Variants in NPRL3 observed in about 807,000 individuals in gnomAD.
NPRL3 encodes GATOR1 complex protein NPRL3.
Under a neutral mutation model 57.2 loss-of-function variants are expected in NPRL3, and 23 were observed. The ratio of observed to expected loss-of-function variants is 0.40; its 90% CI spans 0.29 to 0.57. NPRL3 has a LOEUF of 0.57. Ranked by LOEUF, NPRL3 falls within the 20% of genes least tolerant of loss-of-function variation. The pLI is 0.42. For synonymous variants in NPRL3, 333 were observed against 321.1 expected, an observed-to-expected ratio of 1.04 and a Z score of -0.39; for missense variants, 691 against 767.1, an observed-to-expected ratio of 0.90 and a Z score of 1.17.
rs758488510 is a variant in NPRL3, at chr16:86,853, C to T, written c.1562G>A (p.Arg521His). 4.6e-5 allele frequency: 75 copies of T among 1,613,044 alleles called. No individual in the cohort carries two copies. The highest frequency in any genetic ancestry group is 7.7e-5 in the South Asian group (7 of 90,964). The change falls in exon 14 of 14, where the codon CGC becomes CAC. Residue 521 changes from arginine to histidine, a missense_variant. By Grantham distance (29) the Arg-to-His change is conservative. Transcript: ENST00000611875. ...RMFARLLHYFRGRHHLEEIMY... is the reference protein window; with the variant it reads ...RMFARLLHYFHGRHHLEEIMY... ...AATCTCCTCCAGGTGGTGGCGGCCG[C>T]GGAAGTAGTGAAGGAGCCTGGAAGG...
At chr16:101,409 C>T (rs1044928280) in intron 7 of NPRL3, among the ~76,000 whole-genome samples, 2 of 152,214 alleles carry the variant, frequency 1.3e-5, no homozygotes, top group African/African-American at 2.4e-5. Flanking sequence ...ACAAGCCAGC[C>T]GTGCTAGCCA....
At chr16:92,825 G>A in intron 10 of NPRL3, 100 bp from the exon 11 acceptor site, 3 of 1,504,730 alleles carry the variant, frequency 2.0e-6, no homozygotes, top group Middle Eastern at 1.9e-4. Context: ...GTGGCAGGTG[G>A]GTCAGGACAG....
chr16:91,765 G>C (rs1898773024), intron 11 of NPRL3, among the ~76,000 whole-genome samples: 1 of 152,232 alleles, frequency 6.6e-6, no homozygotes, highest in Admixed American at 6.5e-5. Context: ...TTGCCTAATA[G>C]ATCTGGCACT....
At position 99,540 on chromosome 16, in the gene NPRL3, G is replaced by T. The variant is rs536740565; in HGVS notation, c.767+832C>A. Among the ~76,000 whole-genome samples, 3 of 151,836 alleles carry T rather than the reference G, an allele frequency of 2.0e-5. No homozygotes were observed. In the South Asian group the frequency reaches 6.3e-4, roughly 32 times the overall value. On this transcript the variant is annotated intron_variant, in intron 8 of 13. Coordinates refer to ENST00000611875, the MANE Select transcript of NPRL3 (RefSeq NM_001077350.3). ...CACCCATAATCCCAGCTACTCAGGG[G>T]GCTGAGGCAGGAGAATCGCTTGAAC... is the stretch of plus-strand genomic sequence containing the variant.
chr16:109,277 C>A (rs1035267515), intron 7 of NPRL3, among the ~76,000 whole-genome samples: 1 of 152,156 alleles, frequency 6.6e-6, no homozygotes, highest in Non-Finnish European at 1.5e-5. Context: ...TGCTTGTCCA[C>A]ATTTAATAAA....
At chr16:94,653 G>A (rs1898907868) in intron 9 of NPRL3, among the ~76,000 whole-genome samples, 1 of 152,222 alleles carries the variant, frequency 6.6e-6, no homozygotes, top group Non-Finnish European at 1.5e-5. Context: ...CTTGGAGGCT[G>A]AGACAGGAGG....
Position 110,585 on chromosome 16 carries a change from G to A in NPRL3, c.569C>T (p.Pro190Leu), listed in dbSNP as rs530516163. The stretch of plus-strand genomic sequence containing the variant: ...GCACTTGGGCAGGATGTGATGGAAT[G>A]GGGACTGAGGACCTTCATTTCCTAC... The part of the protein sequence containing the change: ...MADGNEGPQS[P>L]FHHILPKCKL... The change falls in exon 7 of 14, where the codon CCA becomes CTA. Residue 190 changes from proline (P) to leucine (L), a missense_variant. Coordinates refer to ENST00000611875, the MANE Select transcript of NPRL3 (RefSeq NM_001077350.3). The A allele has an allele frequency of 2.5e-6, 4 of 1,610,942 alleles. No individual in the cohort carries two copies. Among genetic ancestry groups the A allele is most frequent in the Admixed American group, 1.7e-5 (1 of 59,602 alleles).
intron 7 of NPRL3, among the ~76,000 whole-genome samples, chr16:105,477 T>C (rs1567136828): frequency 6.9e-6 from 1 of 145,696 alleles, no homozygotes; most frequent in Non-Finnish European, 1.5e-5. Flanking sequence ...AAAGTTTATA[T>C]ATAGGTGCAT....
chr16:134,483 G>A (rs892686177), intron 2 of NPRL3, among the ~76,000 whole-genome samples: 25 of 152,180 alleles, frequency 1.6e-4, no homozygotes, highest in African/African-American at 5.8e-4. Flanking sequence ...TGAACGGGAA[G>A]ATTCAACATA....
In NPRL3 at chr16:102,051, G is replaced by T. The variant is rs528637508; in HGVS notation, c.630-1542C>A. Among the ~76,000 whole-genome samples, 235 of 152,268 alleles carry T rather than the reference G, an allele frequency of 1.5e-3. 1 individual carries two copies. Among genetic ancestry groups the T allele is most frequent in the African/African-American group, 5.5e-3 (228 of 41,550 alleles). ...AGCTGCATTTCCTGAATGAAGCCAAGGAACACACCGCCCTCCCTGCATGCA... is the reference window on the plus strand; with the variant it reads ...AGCTGCATTTCCTGAATGAAGCCAATGAACACACCGCCCTCCCTGCATGCA... On this transcript the variant is annotated intron_variant, in intron 7 of 13. Transcript: ENST00000611875.
chr16:94,457 C>G (rs899273074), intron 9 of NPRL3, among the ~76,000 whole-genome samples: 7 of 152,214 alleles, frequency 4.6e-5, no homozygotes, highest in African/African-American at 1.2e-4. Flanking sequence ...GCTCAGAAAA[C>G]AGGGCCTCCA....
At chr16:114,353 T>C (rs1190064998) in intron 5 of NPRL3, among the ~76,000 whole-genome samples, 2 of 152,174 alleles carry the variant, frequency 1.3e-5, no homozygotes, top group African/African-American at 4.8e-5. Flanking sequence ...GTGCCAGCAC[T>C]AATGGGAACT....
Position 98,225 on chromosome 16 carries a change from G to C in NPRL3, c.844C>G (p.Leu282Val), listed in dbSNP as rs755359263. Residue 282 changes from leucine to valine, a missense_variant, in exon 9 of 14, where the codon CTA becomes GTA. Leu to Val is a conservative substitution (Grantham distance 32, BLOSUM62 1). Transcript: ENST00000611875. ...GELPIDCSPALVRVIKTTSAV... is the reference protein window; with the variant it reads ...GELPIDCSPAVVRVIKTTSAV... The stretch of plus-strand genomic sequence containing the variant: ...GATGTGGTCTTGATCACCCGCACTA[G>C]GGCAGGGGAGCAGTCAATAGGAAGC... The C allele has an allele frequency of 1.2e-6, 2 of 1,613,988 alleles. No individual in the cohort carries two copies. The highest frequency in any genetic ancestry group is 1.7e-6 in the Non-Finnish European group (2 of 1,179,884).
chr16:98,891 T>C (rs796445970), intron 8 of NPRL3, among the ~76,000 whole-genome samples: 3 of 152,094 alleles, frequency 2.0e-5, no homozygotes, highest in Admixed American at 6.5e-5. Flanking sequence ...TGAGCCGAGA[T>C]TGCGCCATTG....
In NPRL3 at chr16:86,498, ACAG is replaced by A; in HGVS notation, c.*204_*206del. 1.7e-6 allele frequency: 1 copy of A among 577,278 alleles called. No individual in the cohort carries two copies. The highest frequency in any genetic ancestry group is 2.2e-5 in the South Asian group (1 of 46,134). The allele number at this position is 577,278 out of a possible 1,614,324, so 35.8% of individuals were successfully genotyped here. Reference sequence around the variant, plus strand: ...AAGGACTGGAGGGAAGCGTAGGAACACAGAGGGCAGCAGCCCCACAGCGGAACC... The same window carrying A: ...AAGGACTGGAGGGAAGCGTAGGAACAAGGGCAGCAGCCCCACAGCGGAACC... On this transcript the variant is annotated 3_prime_UTR_variant, in exon 14 of 14. Coordinates refer to ENST00000611875, the MANE Select transcript of NPRL3 (RefSeq NM_001077350.3).
At position 100,352 on chromosome 16, in the gene NPRL3, A is replaced by G; in HGVS notation, c.767+20T>C. 6.7e-7 allele frequency: 1 copy of G among 1,488,652 alleles called. No homozygotes were observed. The highest frequency in any genetic ancestry group is 9.0e-7 in the Non-Finnish European group (1 of 1,114,826). 92.2% of individuals were successfully genotyped at this position (1,488,652 alleles called of 1,614,324 possible). On this transcript the variant is annotated intron_variant, in intron 8 of 13. Coordinates refer to ENST00000611875, the MANE Select transcript of NPRL3 (RefSeq NM_001077350.3). ...GGAAGGGCCCTGGCAGGGAGTGAGC[A>G]CGTGGGGCTGGGCACTTACCGGATG...
At chr16:88,046 A>C (rs1025871192) in intron 13 of NPRL3, among the ~76,000 whole-genome samples, 3 of 152,150 alleles carry the variant, frequency 2.0e-5, no homozygotes, top group African/African-American at 7.2e-5. Context: ...CCGGAAACTC[A>C]GTCCCTGACA....
At chr16:95,346 T>TACACAC (rs1394224081) in intron 9 of NPRL3, among the ~76,000 whole-genome samples, 49 of 46,408 alleles carry the variant, frequency 1.1e-3, no homozygotes, top group African/African-American at 2.4e-3. Context: ...TATATATATA[T>TACACAC]ATATACACAC....
intron 10 of NPRL3, 114 bp from the exon 11 acceptor site, chr16:92,839 G>GATGAGGGCAGAACGGT: frequency 7.3e-6 from 10 of 1,369,566 alleles, no homozygotes; most frequent in Non-Finnish European, 1.0e-5. Flanking sequence ...AGGACAGTGC[G>GATGAGGGCAGAACGGT]ATGAGGGCAG....
Sources: gnomAD v4.1 joint callset for allele counts (sites outside exome capture counted in the v4.1 genomes callset) on GRCh38, gnomAD v4.1.1 for gene constraint, MANE v1.5 for transcripts, NCBI Gene and HGNC (gene_info 2026-07-23, HGNC 2026-07-21) for gene names.